NCAM2: variants seen among roughly 807,000 people sequenced by gnomAD.
NCAM2 encodes N-CAM-2.
Under a neutral mutation model 98.1 loss-of-function variants are expected in NCAM2, and 30 were observed. The observed-to-expected ratio is 0.31, with a 90% CI of 0.23 to 0.41. The LOEUF (loss-of-function observed/expected upper bound fraction) is 0.41, where lower values mean the gene tolerates loss of function less well. Among genes scored for constraint, NCAM2 ranks in the 10% least tolerant of loss-of-function variants. The pLI is 1.00. For missense variants in NCAM2, 867 were observed against 1,005.8 expected (o/e 0.86, Z 1.87); for synonymous variants, 368 against 342.4 (o/e 1.07, Z -0.83).
intron 5 of NCAM2, among the ~76,000 whole-genome samples, chr21:21,308,904 A>C (rs1032533489): frequency 6.6e-6 from 1 of 151,940 alleles, no homozygotes; most frequent in Admixed American, 6.6e-5. Flanking sequence ...CTAGTTTACT[A>C]ATCTTTTCTT....
chr21:21,494,571 C>T (rs563648927), intron 15 of NCAM2, among the ~76,000 whole-genome samples: 94 of 150,966 alleles, frequency 6.2e-4, no homozygotes, highest in African/African-American at 2.3e-3. Context: ...AGAAATATAA[C>T]CAAATTTAAA....
intron 9 of NCAM2, among the ~76,000 whole-genome samples, chr21:21,403,053 G>T (rs1299194188): frequency 6.6e-6 from 1 of 152,096 alleles, no homozygotes; most frequent in Non-Finnish European, 1.5e-5. Context: ...AATGATTAGT[G>T]ATGTGGAACA....
chr21:21,476,508 A>G (rs1195051195), intron 14 of NCAM2, among the ~76,000 whole-genome samples: 3 of 152,076 alleles, frequency 2.0e-5, no homozygotes, highest in Non-Finnish European at 4.4e-5. Flanking sequence ...AATTTTTAAT[A>G]CATGGCACAA....
intron 4 of NCAM2, among the ~76,000 whole-genome samples, chr21:21,287,560 T>C (rs2073145719): frequency 6.6e-6 from 1 of 151,954 alleles, no homozygotes; most frequent in Admixed American, 6.6e-5. Flanking sequence ...AGTCCTTTTG[T>C]AACGGTGGAA....
intron 6 of NCAM2, among the ~76,000 whole-genome samples, chr21:21,333,283 T>A (rs1339058300): frequency 6.6e-6 from 1 of 152,170 alleles, no homozygotes; most frequent in Non-Finnish European, 1.5e-5. Context: ...TGTACACACT[T>A]ATGTTCTCTA....
intron 12 of NCAM2, among the ~76,000 whole-genome samples, chr21:21,435,635 G>GT (rs1281571882): frequency 6.6e-6 from 1 of 152,160 alleles, no homozygotes; most frequent in South Asian, 2.1e-4. Context: ...GGTATTTAAT[G>GT]TTTTTTTCTT....
At chr21:21,389,228 G>A (rs965418130) in intron 9 of NCAM2, among the ~76,000 whole-genome samples, 1 of 152,198 alleles carries the variant, frequency 6.6e-6, no homozygotes, top group African/African-American at 2.4e-5. Context: ...TGTCTTACAT[G>A]GTGGCAGGCA....
chr21:21,438,606 G>A (rs1370286794), intron 12 of NCAM2, among the ~76,000 whole-genome samples: 1 of 152,132 alleles, frequency 6.6e-6, no homozygotes, highest in Non-Finnish European at 1.5e-5. Context: ...TGAGAAACAT[G>A]TATCACAGCT....
intron 9 of NCAM2, among the ~76,000 whole-genome samples, chr21:21,384,912 A>G (rs1007376952): frequency 2.8e-4 from 42 of 152,210 alleles, no homozygotes; most frequent in African/African-American, 9.9e-4. Flanking sequence ...TGGGTTAGAT[A>G]ACCATTTGGA....
chr21:21,496,034 T>C (rs1345010901), intron 15 of NCAM2, among the ~76,000 whole-genome samples: 3 of 148,994 alleles, frequency 2.0e-5, no homozygotes, highest in African/African-American at 4.9e-5. Context: ...AAAATATATA[T>C]ATGAAAACAT....
chr21:21,456,055 A>G (rs1035867368), intron 12 of NCAM2, among the ~76,000 whole-genome samples: 1 of 152,174 alleles, frequency 6.6e-6, no homozygotes, highest in Non-Finnish European at 1.5e-5. Flanking sequence ...CGTTGATCTC[A>G]AATCTTGTTC....
intron 1 of NCAM2, among the ~76,000 whole-genome samples, chr21:21,125,763 CT>C (rs1240509641): frequency 6.9e-6 from 1 of 145,772 alleles, no homozygotes; most frequent in Non-Finnish European, 1.5e-5. Flanking sequence ...ACCACATATT[CT>C]TTTTTTTCAA....
intron 1 of NCAM2, among the ~76,000 whole-genome samples, chr21:21,014,121 A>G (rs1447431480): frequency 2.6e-5 from 4 of 152,168 alleles, no homozygotes; most frequent in African/African-American, 9.7e-5. Context: ...GGCAATGCCC[A>G]TTTGCTATTC....
At chr21:21,228,472 G>T (rs1407009344) in intron 1 of NCAM2, among the ~76,000 whole-genome samples, 1 of 151,194 alleles carries the variant, frequency 6.6e-6, no homozygotes, top group Non-Finnish European at 1.5e-5. Flanking sequence ...TTAGAGAATA[G>T]ATAAACTACA....
chr21:21,454,581 T>G (rs372556434), intron 12 of NCAM2, among the ~76,000 whole-genome samples: 1 of 151,974 alleles, frequency 6.6e-6, no homozygotes, highest in African/African-American at 2.4e-5. Flanking sequence ...CTTTCCTGCA[T>G]TTGTCGGTTT....
At chr21:21,527,761 A>G (rs1408201387) in intron 16 of NCAM2, among the ~76,000 whole-genome samples, 1 of 152,226 alleles carries the variant, frequency 6.6e-6, no homozygotes, top group Admixed American at 6.5e-5. Flanking sequence ...AAATGCAGTG[A>G]TACAATCACT....
At chr21:21,386,385 A>G (rs866686701) in intron 9 of NCAM2, among the ~76,000 whole-genome samples, 2 of 152,332 alleles carry the variant, frequency 1.3e-5, no homozygotes, top group Middle Eastern at 3.4e-3. Context: ...TCACCATAGT[A>G]CATTTAAGCC....
rs11268201 is a variant in NCAM2, at chr21:21,214,746, T to TATATATATATATATATATATATATAC, written c.56-65831_56-65830insTATATATATATATATATATATATACA. Among the ~76,000 whole-genome samples, 270 of 100,536 alleles carry TATATATATATATATATATATATATAC rather than the reference T, an allele frequency of 2.7e-3. 1 individual carries two copies. The highest frequency in any genetic ancestry group is 7.5e-3 in the African/African-American group (228 of 30,594). 66.0% of individuals were successfully genotyped at this position (100,536 alleles called of 152,430 possible). ...CCATATATATATATATATATATATA[T>TATATATATATATATATATATATATAC]ACACTATATATACACATATATGTAA... is the stretch of plus-strand genomic sequence containing the variant. On this transcript the variant is annotated intron_variant, in intron 1 of 17. Coordinates refer to ENST00000400546, the MANE Select transcript of NCAM2 (RefSeq NM_004540.5).
chr21:21,081,172 G>C (rs1228812545), intron 1 of NCAM2, among the ~76,000 whole-genome samples: 1 of 152,146 alleles, frequency 6.6e-6, no homozygotes, highest in African/African-American at 2.4e-5. Flanking sequence ...TGCTCACTTA[G>C]GCGTTCTTCC....
Sources: gnomAD v4.1 joint callset for allele counts (sites outside exome capture counted in the v4.1 genomes callset) on GRCh38, gnomAD v4.1.1 for gene constraint, MANE v1.5 for transcripts, NCBI Gene and HGNC (gene_info 2026-07-23, HGNC 2026-07-21) for gene names.